Variants in VSTM1 observed in about 807,000 individuals in gnomAD.
VSTM1 encodes V-set and transmembrane domain-containing protein 1.
VSTM1 carries 27 observed loss-of-function variants against 33.1 expected under a neutral mutation model. The observed-to-expected ratio is 0.82, with a 90% CI of 0.60 to 1.12. VSTM1 has a LOEUF of 1.12. VSTM1 is among the 50% of genes most tolerant of loss of function. VSTM1 has a pLI of 0.00. For synonymous variants in VSTM1, 115 were observed against 110.3 expected (o/e 1.04, Z -0.27); for missense variants, 304 against 288.9 (o/e 1.05, Z -0.38).
At chr19:54,063,628 G>A (rs1259088104) in intron 1 of VSTM1, 116 bp downstream of exon 1, 2 of 1,314,802 alleles carry the variant, frequency 1.5e-6, no homozygotes, top group Non-Finnish European at 2.2e-6. Context: ...CCCACCGCAG[G>A]TGTGCAACAC....
At position 54,040,904 on chromosome 19, in the gene VSTM1, C is replaced by T. The variant is rs1469490135; in HGVS notation, c.*57G>A. 6 of 1,572,472 alleles carry T rather than the reference C, an allele frequency of 3.8e-6. No individual in the cohort carries two copies. The African/African-American group carries it at 8.4e-5, about 22-fold the overall frequency. ...ACACAGTATCTGCATCTCCAGATTT[C>T]CGATAACCTTGGCCAGCACGATCCC... On this transcript the variant is annotated 3_prime_UTR_variant, in exon 9 of 9. Coordinates refer to ENST00000338372, the MANE Select transcript of VSTM1 (RefSeq NM_198481.4).
chr19:54,063,655 C>T, intron 1 of VSTM1, 89 bp downstream of exon 1: 2 of 1,535,986 alleles, frequency 1.3e-6, no homozygotes, highest in Non-Finnish European at 9.0e-7. Context: ...GTCATTACTT[C>T]CACACACCGC....
In VSTM1 at chr19:54,040,952, G is replaced by A. The variant is rs778439288; in HGVS notation, c.*9C>T. 3.7e-6 allele frequency: 6 copies of A among 1,606,290 alleles called. No homozygotes were observed. The highest frequency in any genetic ancestry group is 5.1e-6 in the Non-Finnish European group (6 of 1,176,538). On this transcript the variant is annotated 3_prime_UTR_variant, in exon 9 of 9. Coordinates refer to ENST00000338372, the MANE Select transcript of VSTM1 (RefSeq NM_198481.4). ...CCCCCCTCCTTTAGTGGCCAGGGCT[G>A]TCTTCTTGCTACACTTTCAGTGCCG...
chr19:54,062,972 G>A (rs1193923014), intron 1 of VSTM1, among the ~76,000 whole-genome samples: 1 of 152,140 alleles, frequency 6.6e-6, no homozygotes, highest in Non-Finnish European at 1.5e-5. Context: ...CACAGTGTGA[G>A]CTCTGTCTGA....
chr19:54,045,044 G>A (rs1161231517), intron 4 of VSTM1, among the ~76,000 whole-genome samples: 2 of 152,116 alleles, frequency 1.3e-5, no homozygotes. Flanking sequence ...TCCTAGGTGT[G>A]CAATGATCTG....
chr19:54,043,480 T>G (rs1286537679), intron 4 of VSTM1, among the ~76,000 whole-genome samples: 1 of 152,118 alleles, frequency 6.6e-6, no homozygotes, highest in East Asian at 1.9e-4. Flanking sequence ...AGTGCAATCT[T>G]GGCTCACTGC....
intron 4 of VSTM1, 124 bp from the exon 5 acceptor site, chr19:54,042,493 G>T: frequency 7.2e-7 from 1 of 1,386,594 alleles, no homozygotes. Flanking sequence ...CTCCCACCTC[G>T]GAGCTGGAAC....
At chr19:54,048,000 T>C (rs2070677881) in intron 4 of VSTM1, among the ~76,000 whole-genome samples, 1 of 152,236 alleles carries the variant, frequency 6.6e-6, no homozygotes. Context: ...TCTTGTGTGA[T>C]AAAATTCATC....
chr19:54,043,180 T>A (rs929022973), intron 4 of VSTM1, among the ~76,000 whole-genome samples: 2 of 151,984 alleles, frequency 1.3e-5, no homozygotes, highest in African/African-American at 4.8e-5. Context: ...CCCACTGTCA[T>A]AGGGGTGGGC....
chr19:54,055,438 T>C lies in VSTM1; in HGVS notation c.355+2868A>G, dbSNP rs1389571173. Reference sequence around the variant, plus strand: ...TGAGTTAGTGGAGGCAAGTTACCTGTCGTGGAGACAGGAACATAGAAAATG... The same window carrying C: ...TGAGTTAGTGGAGGCAAGTTACCTGCCGTGGAGACAGGAACATAGAAAATG... On this transcript the variant is annotated intron_variant, in intron 3 of 8. Coordinates refer to ENST00000338372, the MANE Select transcript of VSTM1 (RefSeq NM_198481.4). The C allele has an allele frequency of 2.6e-4, 37 of 142,548 alleles. 6 individuals carry two copies. Among genetic ancestry groups the C allele is most frequent in the Non-Finnish European group, 3.1e-5 (2 of 64,452 alleles). The allele number at this position is 142,548 out of a possible 1,614,324, so 8.8% of individuals were successfully genotyped here.
chr19:54,063,885 T>C lies in VSTM1; in HGVS notation c.-108A>G. 1 of 1,255,090 alleles carries C rather than the reference T, an allele frequency of 8.0e-7. No homozygotes were observed. The highest frequency in any genetic ancestry group is 1.4e-5 in the South Asian group (1 of 71,374). 77.7% of individuals were successfully genotyped at this position (1,255,090 alleles called of 1,614,324 possible). Reference sequence around the variant, plus strand: ...CCGGCTGCCCGGTTCGTCCCCAGGATGTGCAGATAGAGGAGGTTTTGCTCT... The same window carrying C: ...CCGGCTGCCCGGTTCGTCCCCAGGACGTGCAGATAGAGGAGGTTTTGCTCT... On this transcript the variant is annotated 5_prime_UTR_variant, in exon 1 of 9. Coordinates refer to ENST00000338372, the MANE Select transcript of VSTM1 (RefSeq NM_198481.4).
intron 3 of VSTM1, 150 bp from the exon 4 acceptor site, chr19:54,051,598 C>T: frequency 5.2e-6 from 3 of 582,200 alleles, no homozygotes; most frequent in Non-Finnish European, 8.9e-6. Flanking sequence ...CTCCCTGGGT[C>T]CTCAGAGCAT....
chr19:54,058,926 A>C (rs2071248994), intron 1 of VSTM1, among the ~76,000 whole-genome samples, 194 bp from the exon 2 acceptor site: 1 of 148,274 alleles, frequency 6.7e-6, no homozygotes, highest in Non-Finnish European at 1.5e-5. Flanking sequence ...TATAATATAT[A>C]TATTAAATAT....
intron 3 of VSTM1, among the ~76,000 whole-genome samples, chr19:54,052,716 C>T (rs1442763767): frequency 7.0e-6 from 1 of 142,028 alleles, no homozygotes; most frequent in Admixed American, 7.2e-5. Flanking sequence ...AGATTGTATA[C>T]CTTGAATATA....
intron 1 of VSTM1, among the ~76,000 whole-genome samples, chr19:54,062,227 G>A (rs767739201): frequency 5.3e-5 from 8 of 152,022 alleles, no homozygotes; most frequent in South Asian, 2.1e-4. Context: ...CTCCTTCATA[G>A]TTCTCAGAAG....
At chr19:54,061,033 T>G (rs1214202974) in intron 1 of VSTM1, among the ~76,000 whole-genome samples, 5 of 148,214 alleles carry the variant, frequency 3.4e-5, no homozygotes, top group African/African-American at 1.3e-4. Flanking sequence ...TTTTTTTTTT[T>G]TTGACATGGA....
chr19:54,058,439 C>G lies in VSTM1; in HGVS notation c.222G>C (p.Ser74=). ...NDSGYKQEQS[S]AENEAEFPFT... is the part of the protein sequence containing the mutation. ...AGGGGAATTCAGCTTCGTTTTCTGC[C>G]GAGCTCTGTTCCTGCTTGTACCCAG... Residue 74 remains serine (S), a synonymous_variant, in exon 3 of 9, where the codon TCG becomes TCC. Coordinates refer to ENST00000338372, the MANE Select transcript of VSTM1 (RefSeq NM_198481.4). 6.2e-7 allele frequency: 1 copy of G among 1,613,976 alleles called. No homozygotes were observed. Among genetic ancestry groups the G allele is most frequent in the South Asian group, 1.1e-5 (1 of 91,066 alleles).
At chr19:54,052,315 G>T (rs1225061421) in intron 3 of VSTM1, among the ~76,000 whole-genome samples, 4,930 of 113,834 alleles carry the variant, frequency 0.043, 215 homozygotes, top group Non-Finnish European at 0.048. Flanking sequence ...GGAGAATGGC[G>T]TGAACCCGGG....
At chr19:54,052,569 GC>G (rs1328044554) in intron 3 of VSTM1, among the ~76,000 whole-genome samples, 1 of 140,876 alleles carries the variant, frequency 7.1e-6, no homozygotes, top group Non-Finnish European at 1.6e-5. Flanking sequence ...CATGATATAT[GC>G]GGAGATGTTG....
Sources: gnomAD v4.1 joint callset for allele counts (sites outside exome capture counted in the v4.1 genomes callset) on GRCh38, gnomAD v4.1.1 for gene constraint, MANE v1.5 for transcripts, NCBI Gene and HGNC (gene_info 2026-07-23, HGNC 2026-07-21) for gene names.